Variants in RGS6 observed in about 807,000 individuals in gnomAD.
RGS6 encodes the protein regulator of G protein signaling 6, also known as regulator of G-protein signaling 6.
RGS6 carries 30 observed loss-of-function variants against 78.5 expected under a neutral mutation model. That is an observed-to-expected ratio of 0.38 (90% CI 0.29 to 0.52). The LOEUF is 0.52. Ranked by LOEUF, RGS6 falls within the 20% of genes least tolerant of loss-of-function variation. The pLI, the probability that RGS6 is intolerant of heterozygous loss-of-function variation, is 0.85. For synonymous variants in RGS6, 206 were observed against 206.0 expected, an observed-to-expected ratio of 1.00 and a Z score of 0.00; for missense variants, 495 against 609.7, an observed-to-expected ratio of 0.81 and a Z score of 1.98.
chr14:72,001,856 C>T lies in RGS6; in HGVS notation c.84+36981C>T, dbSNP rs189347486. On this transcript the variant is annotated intron_variant, in intron 2 of 17. Coordinates refer to ENST00000553525, the MANE Select transcript of RGS6 (RefSeq NM_001204424.2). ...TTGTAAGTACTCTTTCACATTTGTG[C>T]AGAACTTTAGTCTTTGAAGTGTTTA... Among the ~76,000 whole-genome samples, 14 of 146,988 alleles carry T rather than the reference C, an allele frequency of 9.5e-5. No homozygotes were observed. The East Asian group carries it at 2.2e-3, about 23-fold the overall frequency.
intron 2 of RGS6, among the ~76,000 whole-genome samples, chr14:72,286,430 A>T (rs2062564122): frequency 6.6e-6 from 1 of 152,128 alleles, no homozygotes; most frequent in African/African-American, 2.4e-5. Flanking sequence ...TATATTTTGA[A>T]ATCAGGAAGT....
chr14:72,362,367 C>T (rs847331), intron 3 of RGS6, among the ~76,000 whole-genome samples: 43,139 of 152,114 alleles, frequency 0.28, 6,380 homozygotes, highest in South Asian at 0.42. Context: ...TATAACAAAC[C>T]CACAAACTAT....
chr14:72,288,956 A>C (rs913889450), intron 2 of RGS6, among the ~76,000 whole-genome samples: 1 of 152,154 alleles, frequency 6.6e-6, no homozygotes, highest in Non-Finnish European at 1.5e-5. Flanking sequence ...GCCAGTACCA[A>C]GGGGAGTCCT....
intron 16 of RGS6, 98 bp downstream of exon 16, chr14:72,536,373 T>G (rs552453400): frequency 2.2e-6 from 2 of 899,114 alleles, no homozygotes; most frequent in East Asian, 5.0e-5. Flanking sequence ...TGGGTTTTAT[T>G]TATTTCCTAC....
intron 2 of RGS6, among the ~76,000 whole-genome samples, chr14:72,323,982 C>T (rs2072966440): frequency 6.6e-6 from 1 of 151,750 alleles, no homozygotes; most frequent in Admixed American, 6.6e-5. Context: ...GTAATCATCA[C>T]ATTAGGGTAA....
intron 2 of RGS6, among the ~76,000 whole-genome samples, chr14:72,182,713 C>T (rs1567403238): frequency 6.6e-6 from 1 of 152,222 alleles, no homozygotes; most frequent in East Asian, 1.9e-4. Flanking sequence ...GAGAAGTGCT[C>T]CCACTATTTT....
At chr14:72,553,660 T>C (rs1352374868) in intron 17 of RGS6, among the ~76,000 whole-genome samples, 2 of 152,212 alleles carry the variant, frequency 1.3e-5, no homozygotes, top group East Asian at 1.9e-4. Flanking sequence ...TCCTTAGATA[T>C]TGACCCAGTA....
At chr14:72,340,076 G>T (rs116414363) in intron 2 of RGS6, among the ~76,000 whole-genome samples, 1,981 of 152,270 alleles carry the variant, frequency 0.013, 36 homozygotes, top group African/African-American at 0.046. Context: ...CACCTAGCAT[G>T]CAGTGAGTGC....
chr14:72,461,610 TG>T (rs971179995), intron 6 of RGS6, among the ~76,000 whole-genome samples: 9 of 152,062 alleles, frequency 5.9e-5, no homozygotes, highest in Non-Finnish European at 1.2e-4. Flanking sequence ...GAGGATCACT[TG>T]AGCCCAGGAG....
rs188635434 is a variant in RGS6, at chr14:72,279,069, G to A, written c.85-73026G>A. Reference sequence around the variant, plus strand: ...AACCTTAATTACTTCTGTAAAGGGCGCTATCTCCAAGGACAGTTATATTGG... The same window carrying A: ...AACCTTAATTACTTCTGTAAAGGGCACTATCTCCAAGGACAGTTATATTGG... On this transcript the variant is annotated intron_variant, in intron 2 of 17. Transcript: ENST00000553525. 3.4e-4 allele frequency among the ~76,000 whole-genome samples: 51 copies of A among 152,094 alleles called. No homozygotes were observed. The East Asian group carries it at 7.2e-3, about 21-fold the overall frequency.
chr14:72,354,716 C>A (rs898614934), intron 3 of RGS6, among the ~76,000 whole-genome samples: 2 of 152,044 alleles, frequency 1.3e-5, no homozygotes, highest in African/African-American at 4.8e-5. Context: ...CATAAACTCC[C>A]CCAAAGGACT....
intron 2 of RGS6, among the ~76,000 whole-genome samples, chr14:72,194,061 G>A (rs1195516282): frequency 6.6e-6 from 1 of 152,168 alleles, no homozygotes; most frequent in Non-Finnish European, 1.5e-5. Context: ...AGAGAGATCA[G>A]GTGAGAGGCT....
At chr14:72,129,921 A>G (rs1212617816) in intron 2 of RGS6, among the ~76,000 whole-genome samples, 54 of 152,134 alleles carry the variant, frequency 3.5e-4, no homozygotes, top group Non-Finnish European at 1.0e-4. Flanking sequence ...CTACAGCTCA[A>G]TTCAGTTCTG....
At chr14:72,162,416 A>T (rs570766453) in intron 2 of RGS6, among the ~76,000 whole-genome samples, 40 of 152,288 alleles carry the variant, frequency 2.6e-4, no homozygotes, top group African/African-American at 6.7e-4. Flanking sequence ...GAGGAATTTC[A>T]TGAGTTCTGG....
At chr14:72,541,439 C>T in intron 17 of RGS6, 2 of 1,531,760 alleles carry the variant, frequency 1.3e-6, no homozygotes, top group Non-Finnish European at 1.7e-6. Context: ...TCGGTCTTCC[C>T]TCTCTGTGGC....
chr14:72,530,672 C>T (rs1206448033), intron 15 of RGS6, among the ~76,000 whole-genome samples: 1 of 152,142 alleles, frequency 6.6e-6, no homozygotes, highest in Admixed American at 6.5e-5. Flanking sequence ...GCCTGGGCAA[C>T]AGAGCGAAGA....
chr14:72,503,894 G>A (rs1217119287), intron 13 of RGS6, among the ~76,000 whole-genome samples: 2 of 152,140 alleles, frequency 1.3e-5, no homozygotes, highest in African/African-American at 4.8e-5. Context: ...TCCCAGGCTG[G>A]GGTTCCTCAC....
At chr14:71,985,727 G>C (rs2094682305) in intron 2 of RGS6, among the ~76,000 whole-genome samples, 1 of 152,114 alleles carries the variant, frequency 6.6e-6, no homozygotes, top group African/African-American at 2.4e-5. Flanking sequence ...CCTAGTGTCT[G>C]CTTGGCTTTG....
At chr14:72,616,553 A>C in the RGS6 span, among the ~76,000 whole-genome samples, 1 of 152,176 alleles carries the variant, frequency 6.6e-6, no homozygotes, top group South Asian at 2.1e-4. Context: ...CCAGACAAGC[A>C]TGGCTCTGCA....
Sources: allele counts gnomAD v4.1 joint callset (sites outside exome capture counted in the v4.1 genomes callset), GRCh38; gene constraint gnomAD v4.1.1; transcripts MANE v1.5; gene names NCBI Gene and HGNC (gene_info 2026-07-23, HGNC 2026-07-21).